SAMM50: variants seen among roughly 807,000 people sequenced by gnomAD.
The protein encoded by SAMM50 is SAMM50 sorting and assembly machinery component.
In SAMM50, 47 loss-of-function variants were observed where a neutral mutation model predicts 66.9. That is an observed-to-expected ratio of 0.70 (90% confidence interval 0.56 to 0.90). SAMM50 has a LOEUF of 0.90. Ranked by LOEUF, SAMM50 falls within the 40% of genes least tolerant of loss-of-function variation. The pLI, the probability that SAMM50 is intolerant of heterozygous loss-of-function variation, is 0.00. For synonymous variants in SAMM50, 191 were observed against 214.1 expected (o/e 0.89, Z 0.94); for missense variants, 535 against 595.3 (o/e 0.90, Z 1.05).
At chr22:43,992,648 A>G (rs2146829872) in intron 14 of SAMM50, among the ~76,000 whole-genome samples, 1 of 152,312 alleles carries the variant, frequency 6.6e-6, no homozygotes, top group Admixed American at 6.5e-5. Context: ...GTCCATTTTC[A>G]TGCCCAGAGG....
At chr22:43,990,766 G>A (rs943252687) in intron 14 of SAMM50, among the ~76,000 whole-genome samples, 1 of 152,116 alleles carries the variant, frequency 6.6e-6, no homozygotes, top group African/African-American at 2.4e-5. Context: ...AGGGTCTCTA[G>A]GAAAGTTGGG....
chr22:43,994,404 A>G (rs1323999042), intron 14 of SAMM50, among the ~76,000 whole-genome samples: 2 of 152,022 alleles, frequency 1.3e-5, no homozygotes, highest in African/African-American at 2.4e-5. Context: ...GGTCCCCATG[A>G]CTACAACTGC....
intron 12 of SAMM50, 100 bp downstream of exon 12, chr22:43,984,100 C>T (rs772129617): frequency 8.6e-5 from 86 of 999,066 alleles, no homozygotes; most frequent in Non-Finnish European, 1.1e-4. Context: ...AGACATTCCT[C>T]TTTCACGGTG....
chr22:43,982,878 C>T (rs373991485), intron 11 of SAMM50, among the ~76,000 whole-genome samples: 10 of 152,274 alleles, frequency 6.6e-5, no homozygotes, highest in Middle Eastern at 3.4e-3. Flanking sequence ...TCAGGTGATG[C>T]GCCCACCTCA....
chr22:43,957,442 A>G, intron 1 of SAMM50: 1 of 283,756 alleles, frequency 3.5e-6, no homozygotes, highest in Non-Finnish European at 6.8e-6. Context: ...ATTTCTTTTG[A>G]GATGGAGTCT....
chr22:43,958,560 C>T (rs1028639326), intron 1 of SAMM50, among the ~76,000 whole-genome samples: 1 of 146,810 alleles, frequency 6.8e-6, no homozygotes, highest in African/African-American at 2.5e-5. Flanking sequence ...CTCACTGCAA[C>T]CTCTGCCTCC....
chr22:43,990,980 A>ATTT (rs10661965), intron 14 of SAMM50, among the ~76,000 whole-genome samples: 3 of 148,632 alleles, frequency 2.0e-5, no homozygotes, highest in African/African-American at 7.4e-5. Flanking sequence ...ATTGTGTAAA[A>ATTT]TTTTTTTTTT....
At position 43,977,893 on chromosome 22, in the gene SAMM50, G is replaced by A. The variant is rs768942973; in HGVS notation, c.871G>A (p.Gly291Arg). 15 of 1,612,602 alleles carry A rather than the reference G, an allele frequency of 9.3e-6. 1 individual carries two copies. Among genetic ancestry groups the A allele is most frequent in the Admixed American group, 5.0e-5 (3 of 59,882 alleles). ...VNQELAGYTG[G>R]DVSFIKEDFE... is the part of the protein sequence containing the mutation. ...GCAGGAACTGGCAGGCTACACTGGCGGGGATGTGAGCTTCATCAAAGAAGA... is the reference window on the plus strand; with the variant it reads ...GCAGGAACTGGCAGGCTACACTGGCAGGGATGTGAGCTTCATCAAAGAAGA... The change falls in exon 10 of 15, where the codon GGG becomes AGG. Residue 291 changes from glycine to arginine, a missense_variant. Gly to Arg is a moderately radical substitution (Grantham distance 125). Transcript: ENST00000350028.
intron 14 of SAMM50, among the ~76,000 whole-genome samples, chr22:43,991,912 A>G (rs577949928): frequency 5.3e-5 from 8 of 152,296 alleles, no homozygotes; most frequent in African/African-American, 7.2e-5. Flanking sequence ...GCACCTCCCA[A>G]AGGCCTGCCT....
At chr22:43,978,251 G>A (rs1207301819) in intron 10 of SAMM50, among the ~76,000 whole-genome samples, 1 of 151,704 alleles carries the variant, frequency 6.6e-6, no homozygotes, top group Non-Finnish European at 1.5e-5. Flanking sequence ...AGACCATCCT[G>A]GCTAACACGG....
chr22:43,967,097 TC>T (rs1343425255), intron 3 of SAMM50, among the ~76,000 whole-genome samples: 1 of 152,184 alleles, frequency 6.6e-6, no homozygotes, highest in African/African-American at 2.4e-5. Context: ...TGTTGTCAGC[TC>T]CTTTTCCCTG....
chr22:43,970,937 C>T lies in SAMM50; in HGVS notation c.323-1299C>T, dbSNP rs534054881. Among the ~76,000 whole-genome samples, 124 of 152,240 alleles carry T rather than the reference C, an allele frequency of 8.1e-4. 1 individual carries two copies. Among genetic ancestry groups the T allele is most frequent in the South Asian group, 2.1e-3 (10 of 4,820 alleles). On this transcript the variant is annotated intron_variant, in intron 4 of 14. Transcript: ENST00000350028. ...ATCCCAGCACTTTGGGAAGCCAGGG[C>T]GGCTGGATCATGAGGTCAGGAGTTC... is the stretch of plus-strand genomic sequence containing the variant.
At position 43,957,248 on chromosome 22, in the gene SAMM50, A is replaced by G. The variant is rs988530389; in HGVS notation, c.21+1650A>G. ...ATCTGGGGAAAGGTAACTCGGGCCC[A>G]CAGAAACAATGGCATGATTCGTGCC... is the stretch of plus-strand genomic sequence containing the variant. On this transcript the variant is annotated intron_variant, in intron 1 of 14. Coordinates refer to ENST00000350028, the MANE Select transcript of SAMM50 (RefSeq NM_015380.5). 1.7e-5 allele frequency: 11 copies of G among 664,634 alleles called. No homozygotes were observed. The East Asian group carries it at 2.6e-4, about 16-fold the overall frequency. The allele number at this position is 664,634 out of a possible 1,614,324, so 41.2% of individuals were successfully genotyped here. A position where few individuals can be genotyped will look rare whatever the true frequency, so the allele number is the denominator to read the frequency against.
intron 8 of SAMM50, 48 bp downstream of exon 8, chr22:43,976,231 T>C (rs1282132622): frequency 1.9e-6 from 3 of 1,573,122 alleles, no homozygotes; most frequent in Non-Finnish European, 2.6e-6. Context: ...GATGGAACCA[T>C]GCTATGCATT....
At position 43,991,426 on chromosome 22, in the gene SAMM50, G is replaced by A. The variant is rs546963919; in HGVS notation, c.1364+1020G>A. ...CCAAGTAGCTGGGACTACACACCAG[G>A]CTAATTTTTGTATTTTTTGTAGAGA... is the stretch of plus-strand genomic sequence containing the variant. On this transcript the variant is annotated intron_variant, in intron 14 of 14. Coordinates refer to ENST00000350028, the MANE Select transcript of SAMM50 (RefSeq NM_015380.5). Among the ~76,000 whole-genome samples, 11 of 151,774 alleles carry A rather than the reference G, an allele frequency of 7.2e-5. No individual in the cohort carries two copies. The East Asian group carries it at 2.1e-3, about 29-fold the overall frequency.
chr22:43,966,750 G>A (rs2050175496), intron 3 of SAMM50, among the ~76,000 whole-genome samples: 2 of 151,754 alleles, frequency 1.3e-5, no homozygotes, highest in African/African-American at 4.8e-5. Context: ...CTTGTTAGAA[G>A]AAAAATGCCA....
At chr22:43,968,653 C>T in intron 3 of SAMM50, 78 bp from the exon 4 acceptor site, 3 of 984,600 alleles carry the variant, frequency 3.0e-6, no homozygotes, top group Non-Finnish European at 4.9e-6. Context: ...AAACTACCAG[C>T]CTCGCCGTGT....
intron 1 of SAMM50, among the ~76,000 whole-genome samples, chr22:43,959,507 T>TGCACACACAC (rs1555887096): frequency 7.2e-6 from 1 of 138,492 alleles, no homozygotes; most frequent in South Asian, 2.5e-4. Flanking sequence ...TTTTTTATAT[T>TGCACACACAC]ACACACACAC....
chr22:43,956,186 A>G (rs957922552), intron 1 of SAMM50, among the ~76,000 whole-genome samples: 1 of 152,180 alleles, frequency 6.6e-6, no homozygotes, highest in African/African-American at 2.4e-5. Flanking sequence ...GCGCCTGACT[A>G]ACTGTACTGG....
Sources: gnomAD v4.1 joint callset for allele counts (sites outside exome capture counted in the v4.1 genomes callset) on GRCh38, gnomAD v4.1.1 for gene constraint, MANE v1.5 for transcripts, NCBI Gene and HGNC (gene_info 2026-07-23, HGNC 2026-07-21) for gene names.